DST: variants seen among roughly 807,000 people sequenced by gnomAD.
DST encodes dystonin.
Under a neutral mutation model 875.2 loss-of-function variants are expected in DST, and 253 were observed. The observed-to-expected ratio is 0.29, with a 90% confidence interval of 0.26 to 0.32. The LOEUF is 0.32. DST is among the 10% of genes least tolerant of loss of function. The probability of loss-of-function intolerance (pLI) is 1.00; values close to 1 mark genes in which losing one functional copy is unlikely to be tolerated. For missense variants in DST, 8,287 were observed against 9,111.6 expected, an observed-to-expected ratio of 0.91 and a Z score of 3.68; for synonymous variants, 3,124 against 3,197.1, an observed-to-expected ratio of 0.98 and a Z score of 0.77.
rs147110680 is a variant in DST at position 56,849,867 on chromosome 6, T to C, written c.625+1530A>G. Among the ~76,000 whole-genome samples the C allele has an allele frequency of 1.8e-3, 277 of 152,274 alleles. 1 individual carries two copies. The highest frequency in any genetic ancestry group is 6.5e-3 in the African/African-American group (269 of 41,560). ...TTCCAAAAAATACATAGAACAGGTA[T>C]CCCATTTTGATGCCCTAAGTGGGCC... On this transcript the variant is annotated intron_variant, in intron 4 of 103. Coordinates refer to ENST00000680361, the MANE Select transcript of DST (RefSeq NM_001374736.1).
At chr6:56,834,777 C>T (rs1231682776) in intron 4 of DST, among the ~76,000 whole-genome samples, 4 of 152,134 alleles carry the variant, frequency 2.6e-5, no homozygotes, top group African/African-American at 4.8e-5. Context: ...AAACAGTACA[C>T]CCACTTTGGA....
intron 4 of DST, among the ~76,000 whole-genome samples, chr6:56,850,653 C>A (rs1161770553): frequency 2.0e-5 from 3 of 152,160 alleles, no homozygotes; most frequent in Non-Finnish European, 4.4e-5. Flanking sequence ...ACCTCTCATG[C>A]ACAGGACACA....
At chr6:56,703,029 A>C (rs139728479) in intron 7 of DST, among the ~76,000 whole-genome samples, 71 of 152,296 alleles carry the variant, frequency 4.7e-4, no homozygotes, top group African/African-American at 1.7e-3. Flanking sequence ...ACAAAAGAAG[A>C]AGCACGTCTG....
chr6:56,615,657 T>C lies in DST; in HGVS notation c.4930-1173A>G, dbSNP rs2152727882. On this transcript the variant is annotated intron_variant, in intron 36 of 103. Coordinates refer to ENST00000680361, the MANE Select transcript of DST (RefSeq NM_001374736.1). ...AACTTTCTTTTTGTCTGAGGGCATA[T>C]TATATTTCTGACATATGACTTTTGA... is the stretch of plus-strand genomic sequence containing the variant. 1 of 1,614,140 alleles carries C rather than the reference T, an allele frequency of 6.2e-7. No homozygotes were observed. Among genetic ancestry groups the C allele is most frequent in the Non-Finnish European group, 8.5e-7 (1 of 1,179,976 alleles).
chr6:56,496,428 A>G (rs2095906115), intron 82 of DST, among the ~76,000 whole-genome samples: 1 of 152,142 alleles, frequency 6.6e-6, no homozygotes, highest in Non-Finnish European at 1.5e-5. Context: ...TGGTGTAAGT[A>G]TGAAGTTGAA....
At chr6:56,852,180 TC>T in intron 3 of DST, 2 of 663,608 alleles carry the variant, frequency 3.0e-6, no homozygotes, top group Non-Finnish European at 3.7e-6. Context: ...TGAAGCAGGT[TC>T]CCAGAAAAGA....
intron 9 of DST, among the ~76,000 whole-genome samples, chr6:56,678,790 T>A (rs1201635544): frequency 6.6e-6 from 1 of 152,202 alleles, no homozygotes; most frequent in Non-Finnish European, 1.5e-5. Flanking sequence ...GTTATGGGCC[T>A]GGAGATGGGA....
intron 5 of DST, among the ~76,000 whole-genome samples, chr6:56,727,932 T>A (rs956326267): frequency 1.3e-5 from 2 of 152,188 alleles, no homozygotes; most frequent in African/African-American, 4.8e-5. Flanking sequence ...AGATAACTTA[T>A]CCTCCCTGAG....
In DST at chr6:56,900,602, C is replaced by T. The variant is rs781323675; in HGVS notation, c.236G>A (p.Arg79Gln). 3 of 1,367,542 alleles carry T rather than the reference C, an allele frequency of 2.2e-6. No individual in the cohort carries two copies. Among genetic ancestry groups the T allele is most frequent in the Non-Finnish European group, 2.0e-6 (2 of 1,021,808 alleles). 84.7% of individuals were successfully genotyped at this position (1,367,542 alleles called of 1,614,324 possible). A position where few individuals can be genotyped will look rare whatever the true frequency, so the allele number is the denominator to read the frequency against. The change falls in exon 3 of 104, where the codon CGG becomes CAG. Residue 79 changes from arginine to glutamine, a missense_variant. Physicochemically the swap from Arg to Gln is conservative, Grantham distance 43 (BLOSUM62 1). Around this residue, in one of 10 missense-constraint regions of DST, gnomAD observed 1,160 missense variants for 1,424.3 expected, o/e 0.81. Coordinates refer to ENST00000680361, the MANE Select transcript of DST (RefSeq NM_001374736.1). Reference sequence around the variant, plus strand: ...CGCTGCAACTCGTCTTCTAAGATGCCGAGGGCTTGCTCTGAATCCCTGTGG... The same window carrying T: ...CGCTGCAACTCGTCTTCTAAGATGCTGAGGGCTTGCTCTGAATCCCTGTGG... Reference protein sequence around the residue: ...FRSEGFRASPRHLRRRVAAAA... With the variant: ...FRSEGFRASPQHLRRRVAAAA...
chr6:56,610,889 A>C (rs1394828840), intron 38 of DST, among the ~76,000 whole-genome samples: 1 of 152,180 alleles, frequency 6.6e-6, no homozygotes, highest in Admixed American at 6.6e-5. Flanking sequence ...AAAAGGGACA[A>C]TAAGGTACCA....
chr6:56,562,246 C>A, intron 55 of DST, 46 bp from the exon 56 acceptor site: 1 of 1,346,908 alleles, frequency 7.4e-7, no homozygotes, highest in Non-Finnish European at 1.0e-6. Flanking sequence ...CATAGTATTT[C>A]TATACATTAA....
chr6:56,823,872 C>A (rs1329787903), intron 4 of DST, among the ~76,000 whole-genome samples: 3 of 152,134 alleles, frequency 2.0e-5, no homozygotes, highest in Non-Finnish European at 4.4e-5. Context: ...AAGCCCAAAA[C>A]CTGCAGTAGA....
At chr6:56,891,847 G>GT (rs936103109) in intron 3 of DST, among the ~76,000 whole-genome samples, 6 of 152,196 alleles carry the variant, frequency 3.9e-5, no homozygotes, top group African/African-American at 1.4e-4. Context: ...CCTCAGAATG[G>GT]TTTTTTGCCC....
At chr6:56,477,695 C>T (rs1047318293) in intron 90 of DST, among the ~76,000 whole-genome samples, 36 of 152,112 alleles carry the variant, frequency 2.4e-4, no homozygotes, top group African/African-American at 8.2e-4. Context: ...AATACAAGTA[C>T]AGTCATCCCT....
chr6:56,843,189 C>A (rs371362925), intron 4 of DST: 3 of 1,507,602 alleles, frequency 2.0e-6, no homozygotes, highest in African/African-American at 1.4e-5. Context: ...CCCCTCTCCC[C>A]CTCGTAACCC....
intron 5 of DST, among the ~76,000 whole-genome samples, chr6:56,713,565 C>A (rs1325385385): frequency 6.6e-6 from 1 of 152,154 alleles, no homozygotes; most frequent in Non-Finnish European, 1.5e-5. Context: ...GAAGCAAGGT[C>A]CTCATAGAGC....
At chr6:56,596,728 A>G (rs1036881630) in intron 47 of DST, among the ~76,000 whole-genome samples, 3 of 152,228 alleles carry the variant, frequency 2.0e-5, no homozygotes, top group Non-Finnish European at 4.4e-5. Context: ...TAGACCTGCA[A>G]AAGTTTCTGA....
intron 90 of DST, among the ~76,000 whole-genome samples, chr6:56,481,148 G>A (rs544879846): frequency 1.3e-5 from 2 of 152,122 alleles, no homozygotes; most frequent in South Asian, 4.2e-4. Flanking sequence ...TTTGATAGAG[G>A]GTGTTAATTA....
intron 82 of DST, among the ~76,000 whole-genome samples, chr6:56,495,190 C>G (rs1299350834): frequency 6.6e-6 from 1 of 151,954 alleles, no homozygotes; most frequent in South Asian, 2.1e-4. Context: ...TCAGATATAG[C>G]TAAAAACTCA....
Sources: allele counts gnomAD v4.1 joint callset (sites outside exome capture counted in the v4.1 genomes callset), GRCh38; gene constraint gnomAD v4.1.1; regional missense constraint gnomAD v4.1.1; transcripts MANE v1.5; gene names NCBI Gene and HGNC (gene_info 2026-07-23, HGNC 2026-07-21).